Variants in CSGALNACT1 observed in about 807,000 individuals in gnomAD.
CSGALNACT1 encodes beta4GalNAcT-1.
In CSGALNACT1, 52 loss-of-function variants were observed where a neutral mutation model predicts 51.0. The observed-to-expected ratio is 1.02, with a 90% CI of 0.82 to 1.29. The LOEUF is 1.29. Ranked by LOEUF, CSGALNACT1 falls within the 50% of genes most tolerant of loss-of-function variation. The pLI is 0.00. For synonymous variants in CSGALNACT1, 341 were observed against 254.4 expected, an observed-to-expected ratio of 1.34 and a Z score of -3.24; for missense variants, 935 against 679.2, an observed-to-expected ratio of 1.38 and a Z score of -4.19.
chr8:19,591,550 C>A (rs1476384463), intron 2 of CSGALNACT1, among the ~76,000 whole-genome samples: 1 of 152,244 alleles, frequency 6.6e-6, no homozygotes, highest in East Asian at 1.9e-4. Flanking sequence ...TGGCTACAAG[C>A]CAAACCATCT....
chr8:19,596,197 C>T (rs946419884), intron 2 of CSGALNACT1, among the ~76,000 whole-genome samples: 2 of 152,196 alleles, frequency 1.3e-5, no homozygotes, highest in South Asian at 4.1e-4. Flanking sequence ...AAAGGTATCA[C>T]ATTGTGGGTC....
chr8:19,501,489 C>G (rs963712948), intron 4 of CSGALNACT1, among the ~76,000 whole-genome samples: 8 of 152,132 alleles, frequency 5.3e-5, no homozygotes, highest in African/African-American at 1.9e-4. Context: ...GCTTAGGTTC[C>G]ATCTCATCTC....
Position 19,719,735 on chromosome 8 carries a change from G to A in CSGALNACT1, c.-297+38115C>T, listed in dbSNP as rs371440065. On this transcript the variant is annotated intron_variant, in intron 1 of 1. Transcript: ENST00000517494. ...CTGAGTCATTTCTACGTGGGAGGAT[G>A]CCAGACAATGCCAGCTGCCTACATT... is the stretch of plus-strand genomic sequence containing the variant. Among the ~76,000 whole-genome samples the A allele has an allele frequency of 3.3e-3, 498 of 152,326 alleles. 3 individuals carry two copies. The South Asian group carries it at 0.034, about 11-fold the overall frequency.
At chr8:19,587,205 G>A (rs893519126) in intron 3 of CSGALNACT1, among the ~76,000 whole-genome samples, 1 of 152,132 alleles carries the variant, frequency 6.6e-6, no homozygotes, top group East Asian at 1.9e-4. Context: ...CAGGTAACTG[G>A]CACTGCCCAA....
exon 10 of CSGALNACT1, chr8:19,405,749 A>G (rs749311926): frequency 1.2e-5 from 19 of 1,613,816 alleles, no homozygotes; most frequent in Non-Finnish European, 1.4e-5. Context: ...AAGGAAAGAA[A>G]AAGTGTCTCC....
chr8:19,495,455 G>C (rs2075287898), intron 4 of CSGALNACT1, among the ~76,000 whole-genome samples: 1 of 152,188 alleles, frequency 6.6e-6, no homozygotes, highest in African/African-American at 2.4e-5. Flanking sequence ...TGTATGCATT[G>C]ATCCAGGGAT....
upstream of CSGALNACT1, among the ~76,000 whole-genome samples, chr8:19,605,473 G>A (rs991179976): frequency 3.9e-5 from 6 of 152,220 alleles, no homozygotes; most frequent in Non-Finnish European, 5.9e-5. Flanking sequence ...TCATTCACTC[G>A]TTCTTGTATC....
chr8:19,638,650 T>C (rs1434174897), intron 1 of CSGALNACT1, among the ~76,000 whole-genome samples: 1 of 152,130 alleles, frequency 6.6e-6, no homozygotes. Context: ...TTTAAATAGT[T>C]CTATGAGATC....
intron 3 of CSGALNACT1, among the ~76,000 whole-genome samples, chr8:19,547,233 A>G (rs535287506): frequency 5.1e-4 from 77 of 152,332 alleles, no homozygotes; most frequent in Middle Eastern, 3.4e-3. Flanking sequence ...GAGGTGTAAT[A>G]TAACACACAG....
chr8:19,452,444 A>C (rs866529525), intron 5 of CSGALNACT1, among the ~76,000 whole-genome samples: 8 of 148,534 alleles, frequency 5.4e-5, no homozygotes, highest in Middle Eastern at 3.3e-3. Context: ...AGGGAAGGGG[A>C]GATTTGACAT....
At chr8:19,575,714 A>C (rs903620797) in intron 3 of CSGALNACT1, among the ~76,000 whole-genome samples, 2 of 152,208 alleles carry the variant, frequency 1.3e-5, no homozygotes, top group Non-Finnish European at 2.9e-5. Flanking sequence ...TTAGAAGTAT[A>C]AACAAAAGTA....
At chr8:19,615,484 T>A (rs2052875659) in intron 1 of CSGALNACT1, among the ~76,000 whole-genome samples, 1 of 152,140 alleles carries the variant, frequency 6.6e-6, no homozygotes, top group Admixed American at 6.5e-5. Flanking sequence ...AACTACAAAA[T>A]CAGCACCAAC....
chr8:19,685,201 T>C (rs2060902350), upstream of CSGALNACT1, among the ~76,000 whole-genome samples: 1 of 152,246 alleles, frequency 6.6e-6, no homozygotes, highest in Non-Finnish European at 1.5e-5. Context: ...AAGTGCTTAT[T>C]CCCAGTTGGC....
chr8:19,752,285 C>A (rs1040469645), intron 1 of CSGALNACT1, among the ~76,000 whole-genome samples: 11 of 151,522 alleles, frequency 7.3e-5, no homozygotes, highest in Admixed American at 7.2e-4. Flanking sequence ...CTTTTACAGA[C>A]AAGAGCGTCA....
chr8:19,592,164 A>C lies in CSGALNACT1; in HGVS notation c.-415-886T>G, dbSNP rs76145717. 3.3e-5 allele frequency among the ~76,000 whole-genome samples: 5 copies of C among 152,360 alleles called. No homozygotes were observed. In the East Asian group the frequency reaches 9.6e-4, roughly 29 times the overall value. On this transcript the variant is annotated intron_variant, in intron 2 of 9. Transcript: ENST00000454498. ...AGGAATATAGAGACGTAATAACTAA[A>C]TGCAATCCCTGATGTTAGTACTAGA...
chr8:19,615,899 T>A (rs534773477), intron 1 of CSGALNACT1, among the ~76,000 whole-genome samples: 1 of 152,360 alleles, frequency 6.6e-6, no homozygotes, highest in East Asian at 1.9e-4. Context: ...AAAAATTTCA[T>A]TTGTATGAAG....
At chr8:19,642,967 C>A (rs926381539) in intron 1 of CSGALNACT1, among the ~76,000 whole-genome samples, 1 of 151,744 alleles carries the variant, frequency 6.6e-6, no homozygotes, top group Non-Finnish European at 1.5e-5. Context: ...TTTTTAAATC[C>A]CATTACAGGA....
intron 3 of CSGALNACT1, among the ~76,000 whole-genome samples, chr8:19,533,904 G>C (rs773893316): frequency 6.6e-6 from 1 of 151,900 alleles, no homozygotes; most frequent in South Asian, 2.1e-4. Flanking sequence ...AACCATGAGG[G>C]GAAGAAAAAG....
intron 1 of CSGALNACT1, among the ~76,000 whole-genome samples, chr8:19,755,168 A>G (rs1476355279): frequency 6.6e-6 from 1 of 152,194 alleles, no homozygotes; most frequent in East Asian, 1.9e-4. Flanking sequence ...ATGTAATAAC[A>G]TGGCATTAAG....
Sources: gnomAD v4.1 joint callset for allele counts (sites outside exome capture counted in the v4.1 genomes callset) on GRCh38, gnomAD v4.1.1 for gene constraint, MANE v1.5 for transcripts, NCBI Gene and HGNC (gene_info 2026-07-23, HGNC 2026-07-21) for gene names.